CDH9: variants seen among roughly 807,000 people sequenced by gnomAD.
The protein encoded by CDH9 is cadherin-9.
Under a neutral mutation model 70.9 loss-of-function variants are expected in CDH9, and 28 were observed. The ratio of observed to expected loss-of-function variants is 0.40; its 90% CI spans 0.29 to 0.54. The LOEUF is 0.54. CDH9 is among the 20% of genes least tolerant of loss of function. The pLI, the probability that CDH9 is intolerant of heterozygous loss-of-function variation, is 0.59. For missense variants in CDH9, 874 were observed against 984.4 expected, an observed-to-expected ratio of 0.89 and a Z score of 1.50; for synonymous variants, 409 against 343.1, an observed-to-expected ratio of 1.19 and a Z score of -2.12.
intron 2 of CDH9, among the ~76,000 whole-genome samples, chr5:26,978,274 A>G (rs958083628): frequency 6.6e-6 from 1 of 151,998 alleles, no homozygotes; most frequent in African/African-American, 2.4e-5. Flanking sequence ...CAATATATTG[A>G]AGAATTTATA....
chr5:26,905,937 A>T, intron 5 of CDH9, 22 bp downstream of exon 5: 2 of 1,596,760 alleles, frequency 1.3e-6, no homozygotes, highest in Non-Finnish European at 1.7e-6. Flanking sequence ...TTTGGACATG[A>T]GATCACTGAA....
intron 2 of CDH9, among the ~76,000 whole-genome samples, chr5:26,920,655 T>A (rs1453913158): frequency 6.6e-6 from 1 of 152,028 alleles, no homozygotes; most frequent in East Asian, 2.0e-4. Flanking sequence ...ACAGACTCTG[T>A]TTGCTTGAAG....
chr5:26,930,661 T>C (rs1741426624), intron 2 of CDH9, among the ~76,000 whole-genome samples: 1 of 152,126 alleles, frequency 6.6e-6, no homozygotes, highest in South Asian at 2.1e-4. Context: ...TTTACTTCTT[T>C]TTTAACCTGT....
rs1252414252 is a variant in CDH9 at position 26,881,045 on chromosome 5, A to G, written c.*91T>C. ...GTATTGTTTGTAACTTCAATTTTTG[A>G]AAGATTTCCTCCCAGGAAGAGAATG... On this transcript the variant is annotated 3_prime_UTR_variant, in exon 12 of 12. Coordinates refer to ENST00000231021, the MANE Select transcript of CDH9 (RefSeq NM_016279.4). 2 of 1,257,974 alleles carry G rather than the reference A, an allele frequency of 1.6e-6. No homozygotes were observed. The highest frequency in any genetic ancestry group is 1.1e-6 in the Non-Finnish European group (1 of 909,560). 77.9% of individuals were successfully genotyped at this position (1,257,974 alleles called of 1,614,324 possible). A position where few individuals can be genotyped will look rare whatever the true frequency, so the allele number is the denominator to read the frequency against.
intron 1 of CDH9, among the ~76,000 whole-genome samples, chr5:27,007,352 G>T (rs949005636): frequency 5.3e-5 from 8 of 152,226 alleles, no homozygotes; most frequent in African/African-American, 1.9e-4. Flanking sequence ...TGGGTAGGTG[G>T]ATGGGGAGGA....
At chr5:26,950,706 G>C (rs1330428760) in intron 2 of CDH9, among the ~76,000 whole-genome samples, 2 of 152,112 alleles carry the variant, frequency 1.3e-5, no homozygotes, top group Non-Finnish European at 2.9e-5. Context: ...ACTATGGTAG[G>C]TAGGGGAATA....
chr5:26,914,736 CAT>C (rs1238419333), intron 3 of CDH9, among the ~76,000 whole-genome samples: 1 of 151,930 alleles, frequency 6.6e-6, no homozygotes, highest in African/African-American at 2.4e-5. Flanking sequence ...TAGACTGAAA[CAT>C]ATATTAGTTA....
At chr5:26,962,136 T>C (rs746561732) in intron 2 of CDH9, among the ~76,000 whole-genome samples, 2 of 152,140 alleles carry the variant, frequency 1.3e-5, no homozygotes, top group South Asian at 2.1e-4. Context: ...ATCATCTATG[T>C]CCCTGCAAAG....
At chr5:26,946,570 G>A (rs1052314697) in intron 2 of CDH9, among the ~76,000 whole-genome samples, 2 of 152,106 alleles carry the variant, frequency 1.3e-5, no homozygotes, top group East Asian at 1.9e-4. Context: ...CTCACCAACC[G>A]AATTTAAAGG....
At chr5:26,926,223 C>T (rs9686387) in intron 2 of CDH9, among the ~76,000 whole-genome samples, 15,507 of 151,880 alleles carry the variant, frequency 0.1, 1,038 homozygotes, top group African/African-American at 0.19. Context: ...CTCCTTAAGC[C>T]GATAAGCAAC....
intron 11 of CDH9, among the ~76,000 whole-genome samples, chr5:26,881,911 GA>G (rs1740474515): frequency 6.6e-6 from 1 of 151,942 alleles, no homozygotes; most frequent in Non-Finnish European, 1.5e-5. Context: ...GCAATTGCCT[GA>G]CACCTCAGCA....
intron 1 of CDH9, among the ~76,000 whole-genome samples, chr5:27,022,229 T>A (rs1204554525): frequency 6.6e-6 from 1 of 152,082 alleles, no homozygotes; most frequent in Admixed American, 6.6e-5. Flanking sequence ...CTCAATGAAA[T>A]AACTGATTGT....
At chr5:26,892,141 C>T (rs1740670383) in intron 7 of CDH9, among the ~76,000 whole-genome samples, 1 of 152,048 alleles carries the variant, frequency 6.6e-6, no homozygotes, top group African/African-American at 2.4e-5. Flanking sequence ...CTAATATATC[C>T]TTAAAAGATA....
At chr5:26,976,566 G>C (rs1382005775) in intron 2 of CDH9, among the ~76,000 whole-genome samples, 1 of 151,960 alleles carries the variant, frequency 6.6e-6, no homozygotes, top group Non-Finnish European at 1.5e-5. Context: ...GCCTCCCAAA[G>C]AGCTGAGACC....
chr5:26,882,066 T>A (rs1228754550), intron 11 of CDH9, among the ~76,000 whole-genome samples: 1 of 152,106 alleles, frequency 6.6e-6, no homozygotes, highest in Non-Finnish European at 1.5e-5. Flanking sequence ...CATATATAGA[T>A]ACATATATAC....
chr5:26,968,694 A>G (rs1271325762), intron 2 of CDH9, among the ~76,000 whole-genome samples: 2 of 150,336 alleles, frequency 1.3e-5, no homozygotes, highest in African/African-American at 2.5e-5. Flanking sequence ...TATTAATATA[A>G]TAAGCATTTC....
At chr5:26,954,885 G>A (rs544759238) in intron 2 of CDH9, among the ~76,000 whole-genome samples, 2 of 152,210 alleles carry the variant, frequency 1.3e-5, no homozygotes, top group East Asian at 3.9e-4. Flanking sequence ...AATTTATAGT[G>A]GGCCAGGTGT....
Position 26,906,055 on chromosome 5 carries a change from T to C in CDH9, c.715A>G (p.Lys239Glu). ...CCTCCCATCTGGCCACCCATGTCTT[T>C]GGCCTGTATAACAACCTGGTACTGC... ...REQYQVVIQA[K>E]DMGGQMGGLS... is the part of the protein sequence containing the mutation. Residue 239 changes from lysine (K) to glutamate (E), a missense_variant, in exon 5 of 12, where the codon AAA (lysine) becomes GAA (glutamate). By Grantham distance (56) the Lys-to-Glu change is moderately conservative (BLOSUM62 1). Coordinates refer to ENST00000231021, the MANE Select transcript of CDH9 (RefSeq NM_016279.4). The C allele has an allele frequency of 6.2e-7, 1 of 1,613,842 alleles. No homozygotes were observed.
chr5:27,003,495 A>G (rs1742806543), intron 1 of CDH9, among the ~76,000 whole-genome samples: 1 of 152,114 alleles, frequency 6.6e-6, no homozygotes, highest in Non-Finnish European at 1.5e-5. Flanking sequence ...CAAGTCCAAT[A>G]TCACAATATT....
Sources: gnomAD v4.1 joint callset for allele counts (sites outside exome capture counted in the v4.1 genomes callset) on GRCh38, gnomAD v4.1.1 for gene constraint, MANE v1.5 for transcripts, NCBI Gene and HGNC (gene_info 2026-07-23, HGNC 2026-07-21) for gene names.